The following SLC5A11 variants were observed in gnomAD, a reference collection of about 807,000 sequenced individuals.
The protein encoded by SLC5A11 is solute carrier family 5 member 11, also known as sodium/myo-inositol cotransporter 2.
SLC5A11 carries 48 observed loss-of-function variants against 69.8 expected under a neutral mutation model. That is an observed-to-expected ratio of 0.69 (90% CI 0.55 to 0.87). The LOEUF (loss-of-function observed/expected upper bound fraction) is 0.87, where lower values mean the gene tolerates loss of function less well. Among genes scored for constraint, SLC5A11 ranks in the 40% least tolerant of loss-of-function variants. The pLI, the probability that SLC5A11 is intolerant of heterozygous loss-of-function variation, is 0.00. For synonymous variants in SLC5A11, 319 were observed against 342.4 expected, an observed-to-expected ratio of 0.93 and a Z score of 0.75; for missense variants, 784 against 866.1, an observed-to-expected ratio of 0.91 and a Z score of 1.19.
rs138088648 is a variant in SLC5A11, at chr16:24,850,600, G to A, written c.-25+4162G>A. 3.3e-5 allele frequency among the ~76,000 whole-genome samples: 5 copies of A among 152,290 alleles called. No individual in the cohort carries two copies. In the East Asian group the frequency reaches 7.7e-4, roughly 24 times the overall value. ...TGGAATTTTCCCCACCAAGGTCCACGTGTCTCGGGGTAGTTAGGAGCTCTA... is the reference window on the plus strand; with the variant it reads ...TGGAATTTTCCCCACCAAGGTCCACATGTCTCGGGGTAGTTAGGAGCTCTA... On this transcript the variant is annotated intron_variant, in intron 1 of 15. Coordinates refer to ENST00000347898, the Ensembl canonical transcript of SLC5A11.
At chr16:24,876,316 G>A (rs891136217) in intron 6 of SLC5A11, among the ~76,000 whole-genome samples, 3 of 152,154 alleles carry the variant, frequency 2.0e-5, no homozygotes, top group African/African-American at 7.2e-5. Context: ...GATGTGGGTT[G>A]ATCAATGGGA....
chr16:24,907,845 C>G, intron 12 of SLC5A11, 118 bp from the exon 14 acceptor site: 1 of 1,355,776 alleles, frequency 7.4e-7, no homozygotes, highest in South Asian at 1.3e-5. Context: ...ATGCTCTCAC[C>G]ACTGCACCCC....
intron 2 of SLC5A11, chr16:24,859,283 C>T (rs1217032021): frequency 1.3e-5 from 2 of 152,204 alleles, no homozygotes; most frequent in Admixed American, 6.5e-5. Context: ...GATCCTCTCA[C>T]CTCGGCTGCC....
At chr16:24,852,998 T>A (rs2059379006) in intron 1 of SLC5A11, among the ~76,000 whole-genome samples, 2 of 150,238 alleles carry the variant, frequency 1.3e-5, no homozygotes, top group South Asian at 4.2e-4. Flanking sequence ...TTCTATTGAG[T>A]CCCCAGGGTC....
chr16:24,881,204 TAAAAAAA>T (rs879333733), intron 7 of SLC5A11, among the ~76,000 whole-genome samples: 5 of 138,848 alleles, frequency 3.6e-5, no homozygotes, highest in African/African-American at 1.3e-4. Context: ...AAACTCAAAT[TAAAAAAA>T]AAAAAAAGCT....
At chr16:24,856,798 TAAAATA>T (rs1254390786) in intron 1 of SLC5A11, among the ~76,000 whole-genome samples, 1 of 150,892 alleles carries the variant, frequency 6.6e-6, no homozygotes, top group Non-Finnish European at 1.5e-5. Context: ...ATAAAAATAA[TAAAATA>T]AAATAAAATA....
Position 24,904,643 on chromosome 16 carries a change from G to A in SLC5A11, c.1007-2014G>A, listed in dbSNP as rs1209556117. Among the ~76,000 whole-genome samples, 3 of 152,030 alleles carry A rather than the reference G, an allele frequency of 2.0e-5. No homozygotes were observed. The East Asian group carries it at 5.8e-4, about 29-fold the overall frequency. ...CTATTTGCACTTCTCTCTCCACCAC[G>A]GCTCCACTGGCTCCCTCCTAAATCT... On this transcript the variant is annotated intron_variant, in intron 10 of 15. Transcript: ENST00000347898.
intron 3 of SLC5A11, among the ~76,000 whole-genome samples, chr16:24,867,219 C>T (rs752765443): frequency 6.6e-6 from 1 of 152,064 alleles, no homozygotes; most frequent in Non-Finnish European, 1.5e-5. Flanking sequence ...AAATAAATAA[C>T]CTTGGAAAAT....
intron 1 of SLC5A11, among the ~76,000 whole-genome samples, chr16:24,854,231 C>T (rs977557880): frequency 2.0e-5 from 3 of 152,172 alleles, no homozygotes; most frequent in African/African-American, 4.8e-5. Context: ...CAGCATCAAC[C>T]TCCACCTAAA....
At chr16:24,901,812 C>T (rs1249411251) in intron 10 of SLC5A11, among the ~76,000 whole-genome samples, 1 of 151,430 alleles carries the variant, frequency 6.6e-6, no homozygotes. Flanking sequence ...AGGCCAGGTG[C>T]AGTGGCTCAC....
At chr16:24,855,434 C>CAA (rs143252263) in intron 1 of SLC5A11, among the ~76,000 whole-genome samples, 3,257 of 90,056 alleles carry the variant, frequency 0.036, 129 homozygotes, top group African/African-American at 0.088. Context: ...TTCATCTCTA[C>CAA]AAAAAAAAAA....
intron 5 of SLC5A11, among the ~76,000 whole-genome samples, chr16:24,874,676 C>T (rs2047553465): frequency 6.6e-6 from 1 of 152,120 alleles, no homozygotes; most frequent in African/African-American, 2.4e-5. Flanking sequence ...TCTTGATTCT[C>T]CTGCCTCACT....
chr16:24,848,796 TAAAAC>T (rs2059139207), intron 1 of SLC5A11, among the ~76,000 whole-genome samples: 1 of 151,788 alleles, frequency 6.6e-6, no homozygotes, highest in African/African-American at 2.4e-5. Flanking sequence ...TTAAGTAAAT[TAAAAC>T]AAAAATAAAA....
chr16:24,910,194 C>A, intron 14 of SLC5A11, 112 bp from the exon 16 acceptor site: 1 of 1,037,948 alleles, frequency 9.6e-7, no homozygotes, highest in Non-Finnish European at 1.4e-6. Context: ...GGGCTGGGAG[C>A]AGATTCAGAC....
intron 2 of SLC5A11, 45 bp from the exon 4 acceptor site, chr16:24,862,556 A>T: frequency 1.3e-6 from 2 of 1,563,492 alleles, no homozygotes; most frequent in Middle Eastern, 1.9e-4. Context: ...GATGCCTCTG[A>T]TTGCTAACGT....
At chr16:24,893,746 AT>A (rs1253903846) in intron 9 of SLC5A11, among the ~76,000 whole-genome samples, 1 of 151,702 alleles carries the variant, frequency 6.6e-6, no homozygotes, top group African/African-American at 2.4e-5. Flanking sequence ...AATTTTTGGT[AT>A]TTTTTGTAGA....
chr16:24,868,472 G>T (rs369902947), intron 3 of SLC5A11, among the ~76,000 whole-genome samples: 2 of 150,588 alleles, frequency 1.3e-5, no homozygotes. Context: ...GGTGGCGGGC[G>T]CCTGTAGTCC....
rs1211704755 is a variant in SLC5A11 at position 24,872,231 on chromosome 16, G to A, written c.372+12G>A. ...ACATTGCTGGTCAGGTGAGTCGGGG[G>A]ACATTGGGATGCTGTAGAATTGAAA... is the stretch of plus-strand genomic sequence containing the variant. On this transcript the variant is annotated intron_variant, in intron 5 of 15. Transcript: ENST00000347898. 1 of 1,614,064 alleles carries A rather than the reference G, an allele frequency of 6.2e-7. No individual in the cohort carries two copies. Among genetic ancestry groups the A allele is most frequent in the South Asian group, 1.1e-5 (1 of 91,070 alleles).
intron 10 of SLC5A11, among the ~76,000 whole-genome samples, chr16:24,898,699 T>C (rs529073537): frequency 1.4e-4 from 21 of 152,170 alleles, no homozygotes; most frequent in African/African-American, 5.1e-4. Context: ...TTTGCACTTT[T>C]AGTAGAGACA....
Sources: gnomAD v4.1 joint callset for allele counts (sites outside exome capture counted in the v4.1 genomes callset) on GRCh38, gnomAD v4.1.1 for gene constraint, MANE v1.5 for transcripts, NCBI Gene and HGNC (gene_info 2026-07-23, HGNC 2026-07-21) for gene names.